The following SRBD1 variants were observed in gnomAD, a reference collection of about 807,000 sequenced individuals.
The protein encoded by SRBD1 is S1 RNA binding domain 1.
In SRBD1, 88 loss-of-function variants were observed where a neutral mutation model predicts 115.3. The observed-to-expected ratio is 0.76, with a 90% CI of 0.64 to 0.91. The LOEUF (loss-of-function observed/expected upper bound fraction) is 0.91. SRBD1 is among the 40% of genes least tolerant of loss of function. The probability of loss-of-function intolerance (pLI) is 0.00; values close to 1 mark genes in which losing one functional copy is unlikely to be tolerated. For synonymous variants in SRBD1, 509 were observed against 407.7 expected, an observed-to-expected ratio of 1.25 and a Z score of -2.99; for missense variants, 1,385 against 1,177.4, an observed-to-expected ratio of 1.18 and a Z score of -2.58.
chr2:45,476,654 C>T (rs745688694), intron 16 of SRBD1, among the ~76,000 whole-genome samples: 1 of 152,142 alleles, frequency 6.6e-6, no homozygotes, highest in Non-Finnish European at 1.5e-5. Flanking sequence ...TGCATGATAT[C>T]ACTATTGTAA....
At chr2:45,485,522 T>G (rs533834403) in intron 15 of SRBD1, among the ~76,000 whole-genome samples, 28 of 152,260 alleles carry the variant, frequency 1.8e-4, no homozygotes, top group Non-Finnish European at 3.8e-4. Context: ...AATAGACAGT[T>G]TAATATCATC....
At chr2:45,573,093 GA>G in intron 9 of SRBD1, 113 bp downstream of exon 9, 1 of 1,186,558 alleles carries the variant, frequency 8.4e-7, no homozygotes, top group Non-Finnish European at 1.1e-6. Flanking sequence ...TTTATATAAA[GA>G]AAAAAGAAAA....
chr2:45,475,634 T>A (rs958640002), intron 16 of SRBD1, among the ~76,000 whole-genome samples: 5 of 152,234 alleles, frequency 3.3e-5, no homozygotes, highest in Non-Finnish European at 5.9e-5. Flanking sequence ...AGATGCTCCA[T>A]AACTTTATCT....
At chr2:45,393,152 CG>C (rs1667053313) in intron 19 of SRBD1, 23 bp from the exon 20 acceptor site, 2 of 1,579,288 alleles carry the variant, frequency 1.3e-6, no homozygotes, top group South Asian at 2.4e-5. Flanking sequence ...AAATAAAAAG[CG>C]CAACACTTAA....
At chr2:45,416,336 G>A (rs928958811) in intron 18 of SRBD1, among the ~76,000 whole-genome samples, 1 of 151,938 alleles carries the variant, frequency 6.6e-6, no homozygotes, top group Admixed American at 6.5e-5. Flanking sequence ...CATTAAATGT[G>A]GTAGCAATAT....
At chr2:45,453,454 A>G (rs570770145) in intron 16 of SRBD1, among the ~76,000 whole-genome samples, 2 of 151,890 alleles carry the variant, frequency 1.3e-5, no homozygotes, top group Non-Finnish European at 2.9e-5. Context: ...AAATACAATA[A>G]TGTCAAAATA....
At position 45,456,800 on chromosome 2, in the gene SRBD1, G is replaced by T. The variant is rs1669168854; in HGVS notation, c.2049+20193C>A. On this transcript the variant is annotated intron_variant, in intron 16 of 20. Coordinates refer to ENST00000263736, the MANE Select transcript of SRBD1 (RefSeq NM_018079.5). ...ATGCTAAGTGAATTAATTTTCCAAG[G>T]AAAATTAATTACTTATGACTTACAG... Among the ~76,000 whole-genome samples, 4 of 151,798 alleles carry T rather than the reference G, an allele frequency of 2.6e-5. No individual in the cohort carries two copies. In the South Asian group the frequency reaches 8.3e-4, roughly 31 times the overall value.
At chr2:45,458,064 G>T (rs1669206222) in intron 16 of SRBD1, among the ~76,000 whole-genome samples, 1 of 151,822 alleles carries the variant, frequency 6.6e-6, no homozygotes, top group Admixed American at 6.6e-5. Context: ...AGATCAAAGA[G>T]AAAATAATAT....
At chr2:45,544,233 A>T (rs1434188097) in intron 14 of SRBD1, among the ~76,000 whole-genome samples, 1 of 58,780 alleles carries the variant, frequency 1.7e-5, no homozygotes, top group Admixed American at 1.5e-4. Flanking sequence ...ACTCCGGCTC[A>T]AAAAAAAAAA....
At chr2:45,393,160 T>C (rs1406250302) in intron 19 of SRBD1, 31 bp from the exon 20 acceptor site, 5 of 1,564,396 alleles carry the variant, frequency 3.2e-6, no homozygotes, top group Non-Finnish European at 4.3e-6. Context: ...AGCGCAACAC[T>C]TAACAATATT....
chr2:45,555,822 G>T lies in SRBD1; in HGVS notation c.1410-2092C>A, dbSNP rs540485903. 2.0e-5 allele frequency among the ~76,000 whole-genome samples: 3 copies of T among 152,234 alleles called. No individual in the cohort carries two copies. The East Asian group carries it at 5.8e-4, about 29-fold the overall frequency. ...AACTCTTTTCTCTGCTACAAACCCT[G>T]CTGTCTTGGTGTATTAGTCTGTTAC... On this transcript the variant is annotated intron_variant, in intron 10 of 20. Transcript: ENST00000263736.
intron 14 of SRBD1, among the ~76,000 whole-genome samples, chr2:45,533,521 A>T (rs1314316925): frequency 6.6e-6 from 1 of 152,066 alleles, no homozygotes; most frequent in African/African-American, 2.4e-5. Flanking sequence ...TCTCTAACAG[A>T]AAATACTGTT....
chr2:45,403,539 C>T (rs1201203391), intron 19 of SRBD1, among the ~76,000 whole-genome samples: 2 of 152,110 alleles, frequency 1.3e-5, no homozygotes, highest in Non-Finnish European at 2.9e-5. Context: ...CTCTTATGAT[C>T]CATGTCCTAT....
In SRBD1 at chr2:45,599,544, T is replaced by C. The variant is rs1674022128; in HGVS notation, c.553A>G (p.Lys185Glu). The change falls in exon 4 of 21, where the codon AAG becomes GAG. Residue 185 changes from lysine to glutamate, a missense_variant. Physicochemically the swap from Lys to Glu is moderately conservative, Grantham distance 56. Transcript: ENST00000263736. Reference protein sequence around the residue: ...TFGQSALKKIKTETYPQGQPV... With the variant: ...TFGQSALKKIETETYPQGQPV... ...TGCCCCTGAGGATATGTCTCAGTCT[T>C]GATTTTCTTTAAAGCGGACTGACCA... 3 of 1,614,224 alleles carry C rather than the reference T, an allele frequency of 1.9e-6. No homozygotes were observed. Among genetic ancestry groups the C allele is most frequent in the East Asian group, 4.5e-5 (2 of 44,888 alleles).
At chr2:45,500,411 T>C (rs893620210) in intron 14 of SRBD1, among the ~76,000 whole-genome samples, 8 of 151,014 alleles carry the variant, frequency 5.3e-5, no homozygotes, top group Non-Finnish European at 1.2e-4. Context: ...GCTGCTAGTA[T>C]ATATAAACAA....
chr2:45,488,100 A>G (rs958338146), intron 15 of SRBD1, 140 bp downstream of exon 15: 1 of 686,462 alleles, frequency 1.5e-6, no homozygotes, highest in South Asian at 1.7e-5. Context: ...CCAATTAACC[A>G]CTTTCTTTCT....
At chr2:45,578,241 C>T (rs544564504) in intron 7 of SRBD1, among the ~76,000 whole-genome samples, 17 of 152,342 alleles carry the variant, frequency 1.1e-4, no homozygotes, top group African/African-American at 2.9e-4. Context: ...TTTAATAAAA[C>T]ATATGATGAC....
At chr2:45,512,186 G>A (rs1188202214) in intron 14 of SRBD1, among the ~76,000 whole-genome samples, 1 of 152,126 alleles carries the variant, frequency 6.6e-6, no homozygotes, top group South Asian at 2.1e-4. Context: ...TCTCTAACTT[G>A]AGCTTCTAAA....
At chr2:45,478,939 C>G (rs1192159378) in intron 15 of SRBD1, among the ~76,000 whole-genome samples, 1 of 152,136 alleles carries the variant, frequency 6.6e-6, no homozygotes, top group Non-Finnish European at 1.5e-5. Flanking sequence ...TGCCATTTTT[C>G]CAATAGCATG....
Sources: gnomAD v4.1 joint callset for allele counts (sites outside exome capture counted in the v4.1 genomes callset) on GRCh38, gnomAD v4.1.1 for gene constraint, MANE v1.5 for transcripts, NCBI Gene and HGNC (gene_info 2026-07-23, HGNC 2026-07-21) for gene names.